Variants in SCAPER observed in about 807,000 individuals in gnomAD.
The protein encoded by SCAPER is S phase cyclin A-associated protein in the endoplasmic reticulum.
SCAPER carries 98 observed loss-of-function variants against 182.2 expected under a neutral mutation model. The observed-to-expected ratio is 0.54, with a 90% CI of 0.46 to 0.64. SCAPER has a LOEUF of 0.64. Ranked by LOEUF, SCAPER falls within the 30% of genes least tolerant of loss-of-function variation. The pLI, the probability that SCAPER is intolerant of heterozygous loss-of-function variation, is 0.00. For synonymous variants in SCAPER, 605 were observed against 564.6 expected (o/e 1.07, Z -1.01); for missense variants, 1,432 against 1,690.0 (o/e 0.85, Z 2.68).
At chr15:76,885,316 C>T (rs1484505923) in intron 1 of SCAPER, among the ~76,000 whole-genome samples, 1 of 152,178 alleles carries the variant, frequency 6.6e-6, no homozygotes, top group African/African-American at 2.4e-5. Context: ...ACCCCTTCTC[C>T]CCAGCATTCA....
chr15:76,681,991 C>T (rs180970787), intron 20 of SCAPER, among the ~76,000 whole-genome samples: 12 of 152,244 alleles, frequency 7.9e-5, no homozygotes, highest in Admixed American at 5.2e-4. Context: ...ATCTGGGCAC[C>T]GCCCTGTATG....
chr15:76,356,207 G>A (rs2040952927), intron 29 of SCAPER, among the ~76,000 whole-genome samples: 1 of 152,208 alleles, frequency 6.6e-6, no homozygotes, highest in Non-Finnish European at 1.5e-5. Context: ...TAATTCAGGT[G>A]GGCTTGTGGC....
At chr15:76,697,609 AT>A (rs1437631508) in intron 20 of SCAPER, among the ~76,000 whole-genome samples, 3 of 152,144 alleles carry the variant, frequency 2.0e-5, no homozygotes, top group South Asian at 2.1e-4. Context: ...ATTAAATAAT[AT>A]TTTTAGCTGT....
At chr15:76,421,656 T>C (rs1357332018) in intron 26 of SCAPER, among the ~76,000 whole-genome samples, 1 of 152,258 alleles carries the variant, frequency 6.6e-6, no homozygotes, top group African/African-American at 2.4e-5. Flanking sequence ...TTGGCTTTTG[T>C]TGCCATTGCT....
chr15:76,611,871 T>C (rs1457227552), intron 22 of SCAPER, among the ~76,000 whole-genome samples: 1 of 152,142 alleles, frequency 6.6e-6, no homozygotes, highest in African/African-American at 2.4e-5. Context: ...GGTGCAGAAA[T>C]GGCTTTTGAT....
At chr15:76,873,418 T>A (rs2072919009) in intron 2 of SCAPER, among the ~76,000 whole-genome samples, 1 of 151,180 alleles carries the variant, frequency 6.6e-6, no homozygotes, top group Non-Finnish European at 1.5e-5. Flanking sequence ...AAAATAATAA[T>A]ACATAAATAA....
chr15:76,447,504 C>A (rs1472127221), intron 25 of SCAPER, among the ~76,000 whole-genome samples: 1 of 152,026 alleles, frequency 6.6e-6, no homozygotes, highest in South Asian at 2.1e-4. Flanking sequence ...ATGATGCTAC[C>A]TTCAAGTAGT....
Position 76,508,530 on chromosome 15 carries a change from T to C in SCAPER, c.2839-3556A>G, listed in dbSNP as rs1337710151. Among the ~76,000 whole-genome samples the C allele has an allele frequency of 3.3e-5, 5 of 152,210 alleles. No individual in the cohort carries two copies. In the East Asian group the frequency reaches 9.6e-4, roughly 29 times the overall value. Reference sequence around the variant, plus strand: ...AACAATGTTTGTGGTATAGTGTTAATTTCAGTTATTCCACATTCTCACTCA... The same window carrying C: ...AACAATGTTTGTGGTATAGTGTTAACTTCAGTTATTCCACATTCTCACTCA... On this transcript the variant is annotated intron_variant, in intron 23 of 31. Coordinates refer to ENST00000563290, the MANE Select transcript of SCAPER (RefSeq NM_020843.4).
At chr15:76,889,467 A>G (rs1362601304) in intron 1 of SCAPER, among the ~76,000 whole-genome samples, 1 of 152,198 alleles carries the variant, frequency 6.6e-6, no homozygotes, top group Non-Finnish European at 1.5e-5. Flanking sequence ...AAACTAAAGT[A>G]TGGAGGAAGA....
At chr15:76,897,040 T>G (rs556868954) in intron 1 of SCAPER, among the ~76,000 whole-genome samples, 82 of 152,310 alleles carry the variant, frequency 5.4e-4, no homozygotes, top group Non-Finnish European at 1.1e-3. Context: ...ACACTCGCCT[T>G]TAGATAAATT....
chr15:76,713,878 C>T (rs756902665), intron 17 of SCAPER, among the ~76,000 whole-genome samples: 1 of 152,060 alleles, frequency 6.6e-6, no homozygotes, highest in Non-Finnish European at 1.5e-5. Context: ...CATTCCTCTC[C>T]TAGTTATTTA....
intron 22 of SCAPER, among the ~76,000 whole-genome samples, chr15:76,592,032 C>A (rs1019481284): frequency 8.5e-5 from 13 of 152,118 alleles, no homozygotes; most frequent in East Asian, 3.9e-4. Context: ...TGCACACTAC[C>A]CTCGGCAACA....
intron 20 of SCAPER, among the ~76,000 whole-genome samples, chr15:76,675,868 A>T (rs2057341019): frequency 6.6e-6 from 1 of 151,426 alleles, no homozygotes; most frequent in African/African-American, 2.4e-5. Flanking sequence ...TCTATCACCC[A>T]GGCTGGACTG....
chr15:76,571,524 C>T (rs1266820239), intron 23 of SCAPER, among the ~76,000 whole-genome samples: 7 of 152,156 alleles, frequency 4.6e-5, no homozygotes, highest in Non-Finnish European at 7.4e-5. Context: ...CGTTACTATA[C>T]ATCACAAGTT....
At chr15:76,535,250 G>T (rs147792114) in intron 23 of SCAPER, among the ~76,000 whole-genome samples, 2,364 of 152,180 alleles carry the variant, frequency 0.016, 62 homozygotes, top group African/African-American at 0.055. Flanking sequence ...TTGGCCAGGC[G>T]TGGTGGCTCA....
intron 23 of SCAPER, among the ~76,000 whole-genome samples, chr15:76,511,492 A>G (rs1285690733): frequency 1.3e-5 from 2 of 152,142 alleles, no homozygotes; most frequent in Admixed American, 6.6e-5. Flanking sequence ...TCCAGGGACA[A>G]CTTCTTCACA....
At chr15:76,875,984 C>G in intron 2 of SCAPER, among the ~76,000 whole-genome samples, 1 of 152,176 alleles carries the variant, frequency 6.6e-6, no homozygotes, top group East Asian at 1.9e-4. Flanking sequence ...CGCTGGGAGG[C>G]AGCAAAGGCC....
intron 21 of SCAPER, among the ~76,000 whole-genome samples, chr15:76,652,518 T>TACACATAC (rs2055242723): frequency 2.2e-5 from 2 of 88,922 alleles, no homozygotes; most frequent in South Asian, 9.6e-4. Flanking sequence ...TTTACATACA[T>TACACATAC]ACACACACAC....
intron 29 of SCAPER, among the ~76,000 whole-genome samples, chr15:76,366,002 G>A (rs1426694516): frequency 3.3e-5 from 5 of 151,854 alleles, no homozygotes; most frequent in Admixed American, 6.6e-5. Flanking sequence ...CATAAAATAT[G>A]CCACCCCCAA....
Sources: allele counts gnomAD v4.1 joint callset (sites outside exome capture counted in the v4.1 genomes callset), GRCh38; gene constraint gnomAD v4.1.1; transcripts MANE v1.5; gene names NCBI Gene and HGNC (gene_info 2026-07-23, HGNC 2026-07-21).